The following CTIF variants were observed in gnomAD, a reference collection of about 807,000 sequenced individuals.
CTIF encodes CBP80/20-dependent translation initiation factor.
A neutral mutation model predicts 66.0 loss-of-function variants in CTIF; 21 were observed. That is an observed-to-expected ratio of 0.32 (90% confidence interval 0.23 to 0.46). CTIF has a LOEUF of 0.46. Ranked by LOEUF, CTIF falls within the 20% of genes least tolerant of loss-of-function variation. CTIF has a pLI of 1.00. For missense variants in CTIF, 739 were observed against 812.7 expected (o/e 0.91, Z 1.10); for synonymous variants, 345 against 326.4 (o/e 1.06, Z -0.62).
intron 10 of CTIF, among the ~76,000 whole-genome samples, chr18:48,850,228 T>C (rs1307075922): frequency 6.6e-5 from 10 of 152,254 alleles, no homozygotes; most frequent in Non-Finnish European, 8.8e-5. Context: ...GATATTCCCC[T>C]TGTATGGATT....
chr18:48,837,016 C>G (rs2068826471), intron 10 of CTIF, among the ~76,000 whole-genome samples: 2 of 152,220 alleles, frequency 1.3e-5, no homozygotes, highest in Non-Finnish European at 2.9e-5. Flanking sequence ...ACTGAGGCAG[C>G]CAGGGTTTGA....
intron 9 of CTIF, among the ~76,000 whole-genome samples, chr18:48,783,365 T>C (rs1250706120): frequency 6.6e-6 from 1 of 152,172 alleles, no homozygotes; most frequent in Admixed American, 6.5e-5. Context: ...CATATTGGCA[T>C]TAAGTTGTCC....
chr18:48,766,160 A>C (rs531121078), intron 9 of CTIF, among the ~76,000 whole-genome samples: 5 of 137,818 alleles, frequency 3.6e-5, no homozygotes, highest in Non-Finnish European at 6.0e-5. Flanking sequence ...TGTTGTCTTT[A>C]TTAGGTCAGG....
intron 1 of CTIF, among the ~76,000 whole-genome samples, chr18:48,585,046 C>T (rs547958496): frequency 1.3e-5 from 2 of 152,282 alleles, no homozygotes; most frequent in Non-Finnish European, 2.9e-5. Context: ...TTGTTCCATG[C>T]GTGTGTCTTT....
rs555566904 is a variant in CTIF at position 48,854,584 on chromosome 18, A to G, written c.1528-3004A>G. ...CCACCATGCCTGGCCAGGTCCCTCAATGTCCACCCTTCCCTCCTACAGCAG... is the reference window on the plus strand; with the variant it reads ...CCACCATGCCTGGCCAGGTCCCTCAGTGTCCACCCTTCCCTCCTACAGCAG... On this transcript the variant is annotated intron_variant, in intron 10 of 11. Transcript: ENST00000256413. Among the ~76,000 whole-genome samples, 9 of 152,126 alleles carry G rather than the reference A, an allele frequency of 5.9e-5. No individual in the cohort carries two copies. The East Asian group carries it at 9.7e-4, about 16-fold the overall frequency.
intron 10 of CTIF, among the ~76,000 whole-genome samples, chr18:48,844,168 G>T (rs2069015806): frequency 6.6e-6 from 1 of 152,242 alleles, no homozygotes; most frequent in Admixed American, 6.5e-5. Flanking sequence ...GGGGCAGTGA[G>T]CACAGAAGAA....
Position 48,761,596 on chromosome 18 carries a change from C to T in CTIF, c.1278C>T (p.Ser426=). ...ACCAGAAGGCTGTGTCCGACCGCAG[C>T]TTCGCCTTCACCGCTGCCAAGCTCT... ...TIYQKAVSDR[S]FAFTAAKLCD... Residue 426 remains serine (S), a synonymous_variant, in exon 9 of 12, where the codon AGC becomes AGT. Coordinates refer to ENST00000256413, the MANE Select transcript of CTIF (RefSeq NM_014772.3). The surrounding 1 kb of genome is among the most constrained non-coding windows in gnomAD (Gnocchi z 4.2). 1.2e-6 allele frequency: 2 copies of T among 1,614,236 alleles called. No individual in the cohort carries two copies. Among genetic ancestry groups the T allele is most frequent in the African/African-American group, 1.3e-5 (1 of 75,074 alleles).
At position 48,636,672 on chromosome 18, in the gene CTIF, C is replaced by T. The variant is rs751824569; in HGVS notation, c.239C>T (p.Ala80Val). 28 of 1,596,856 alleles carry T rather than the reference C, an allele frequency of 1.8e-5. No individual in the cohort carries two copies. In the East Asian group the frequency reaches 3.0e-4, roughly 17 times the overall value. The change falls in exon 3 of 12, where the codon GCC (alanine) becomes GTC (valine). Residue 80 changes from alanine to valine, a missense_variant. By Grantham distance (64) the Ala-to-Val change is moderately conservative. This residue lies in a region of CTIF where 529 missense variants were observed against 520.3 expected (regional missense o/e 1.02). Transcript: ENST00000256413. ...DSSCSFSRGR[A>V]PPQQNGSKDN... ...AGCTGTTCCTTCTCCCGAGGGCGAG[C>T]CCCCCCACAGCAGGTAGGGAACCAG...
At chr18:48,706,205 T>C (rs982844462) in intron 6 of CTIF, among the ~76,000 whole-genome samples, 1 of 152,226 alleles carries the variant, frequency 6.6e-6, no homozygotes, top group Admixed American at 6.5e-5. Flanking sequence ...TCATATGATA[T>C]ACTTTGTTGC....
chr18:48,764,333 G>A (rs1909304415), intron 9 of CTIF, among the ~76,000 whole-genome samples: 1 of 152,200 alleles, frequency 6.6e-6, no homozygotes, highest in Admixed American at 6.5e-5. Context: ...TAAAAGGTTT[G>A]CAGTGAAGGA....
rs370490104 is a variant in CTIF, at chr18:48,839,882, C to T, written c.1528-17706C>T. Among the ~76,000 whole-genome samples, 8 of 152,280 alleles carry T rather than the reference C, an allele frequency of 5.3e-5. No individual in the cohort carries two copies. In the East Asian group the frequency reaches 1.5e-3, roughly 29 times the overall value. On this transcript the variant is annotated intron_variant, in intron 10 of 11. Coordinates refer to ENST00000256413, the MANE Select transcript of CTIF (RefSeq NM_014772.3). ...GGGAACAGAGGCCCTTCCGAATGGC[C>T]TCACCCCAGCCAGCAGAAAGCCATG...
At chr18:48,587,605 A>T (rs1568052551) in intron 1 of CTIF, among the ~76,000 whole-genome samples, 1 of 152,180 alleles carries the variant, frequency 6.6e-6, no homozygotes, top group Non-Finnish European at 1.5e-5. Flanking sequence ...GCATGGCATG[A>T]CTGTGGGCAA....
At chr18:48,725,369 A>G (rs1050297983) in intron 7 of CTIF, among the ~76,000 whole-genome samples, 38 of 152,232 alleles carry the variant, frequency 2.5e-4, no homozygotes, top group African/African-American at 8.4e-4. Flanking sequence ...ACAAAGGCCA[A>G]TTCCCTCCCA....
At chr18:48,580,429 G>A (rs566945049) in intron 1 of CTIF, among the ~76,000 whole-genome samples, 1 of 152,196 alleles carries the variant, frequency 6.6e-6, no homozygotes, top group Admixed American at 6.5e-5. Context: ...TGAAGGTGGA[G>A]GCTGGGGAAA....
intron 3 of CTIF, among the ~76,000 whole-genome samples, chr18:48,657,688 CA>C (rs1427139269): frequency 1.3e-5 from 2 of 152,126 alleles, no homozygotes; most frequent in Non-Finnish European, 2.9e-5. Flanking sequence ...TGCAGAGCTG[CA>C]GAGAGGAAGA....
chr18:48,623,914 T>G, intron 2 of CTIF, among the ~76,000 whole-genome samples: 1 of 151,890 alleles, frequency 6.6e-6, no homozygotes, highest in African/African-American at 2.4e-5. Context: ...GACAGATAGA[T>G]AATACATAGA....
At chr18:48,758,501 T>A (rs915359283) in intron 8 of CTIF, 96 bp downstream of exon 8, 7 of 1,445,432 alleles carry the variant, frequency 4.8e-6, no homozygotes, top group Non-Finnish European at 6.5e-6. Context: ...GCCTTGTGGG[T>A]TTGAGGGTCT....
At chr18:48,697,454 G>A (rs2092023358) in intron 6 of CTIF, among the ~76,000 whole-genome samples, 1 of 152,188 alleles carries the variant, frequency 6.6e-6, no homozygotes, top group African/African-American at 2.4e-5. Context: ...TGTGCTAATG[G>A]TAAAAGCTGA....
chr18:48,695,923 C>G (rs1026001242), intron 6 of CTIF, among the ~76,000 whole-genome samples: 3 of 152,224 alleles, frequency 2.0e-5, no homozygotes, highest in Non-Finnish European at 2.9e-5. Context: ...GCATGTGACT[C>G]GGCTCAAAGA....
Sources: allele counts gnomAD v4.1 joint callset (sites outside exome capture counted in the v4.1 genomes callset), GRCh38; gene constraint gnomAD v4.1.1; regional missense constraint gnomAD v4.1.1; non-coding constraint Gnocchi (gnomAD v3.1); transcripts MANE v1.5; gene names NCBI Gene and HGNC (gene_info 2026-07-23, HGNC 2026-07-21).